Variants in ENOX1 observed in about 807,000 individuals in gnomAD.
The protein encoded by ENOX1 is candidate growth-related and time keeping constitutive hydroquinone (NADH) oxidase.
In ENOX1, 42 loss-of-function variants were observed where a neutral mutation model predicts 82.5. That is an observed-to-expected ratio of 0.51 (90% CI 0.40 to 0.66). The LOEUF is 0.66. Ranked by LOEUF, ENOX1 falls within the 30% of genes least tolerant of loss-of-function variation. ENOX1 has a pLI of 0.00. For synonymous variants in ENOX1, 271 were observed against 282.2 expected (o/e 0.96, Z 0.40); for missense variants, 608 against 811.6 (o/e 0.75, Z 3.05).
At chr13:43,564,191 T>A (rs1032548949) in intron 2 of ENOX1, among the ~76,000 whole-genome samples, 2 of 152,054 alleles carry the variant, frequency 1.3e-5, no homozygotes, top group African/African-American at 4.8e-5. Context: ...TTAATGAAAT[T>A]GAAGAGGTCT....
Position 43,338,730 on chromosome 13 carries a change from G to A in ENOX1, c.1036+5808C>T, listed in dbSNP as rs1477439061. ...AGATGGAGTCTCGCTCTGTCACCCA[G>A]GCTGGAGTGCAGTGGCGCCATCTCG... On this transcript the variant is annotated intron_variant, in intron 9 of 16. Transcript: ENST00000690772. 1.5e-4 allele frequency among the ~76,000 whole-genome samples: 19 copies of A among 128,360 alleles called. 1 individual carries two copies. In the Admixed American group the frequency reaches 1.8e-3, roughly 12 times the overall value. The allele number at this position is 128,360 out of a possible 152,430, so 84.2% of individuals were successfully genotyped here. A position where few individuals can be genotyped will look rare whatever the true frequency, so the allele number is the denominator to read the frequency against.
In ENOX1 at chr13:43,434,937, G is replaced by GTTTGTT. The variant is rs1555273075; in HGVS notation, c.-74-21950_-74-21949insAACAAA. On this transcript the variant is annotated intron_variant, in intron 3 of 16. Coordinates refer to ENST00000690772, the MANE Select transcript of ENOX1 (RefSeq NM_001347969.2). Reference sequence around the variant, plus strand: ...CGTGTCTTATTATTGTGTGTGTGTGGTTTTTTTTTTTTTTTTTTTTTTTTT... The same window carrying GTTTGTT: ...CGTGTCTTATTATTGTGTGTGTGTGGTTTGTTTTTTTTTTTTTTTTTTTTTTTTTTT... Among the ~76,000 whole-genome samples, 10 of 75,896 alleles carry GTTTGTT rather than the reference G, an allele frequency of 1.3e-4. 1 individual carries two copies. The highest frequency in any genetic ancestry group is 1.5e-4 in the Non-Finnish European group (6 of 40,668). The allele number at this position is 75,896 out of a possible 152,430, so 49.8% of individuals were successfully genotyped here. A position where few individuals can be genotyped will look rare whatever the true frequency, so the allele number is the denominator to read the frequency against.
At chr13:43,301,713 G>A (rs2046589036) in intron 11 of ENOX1, among the ~76,000 whole-genome samples, 1 of 151,956 alleles carries the variant, frequency 6.6e-6, no homozygotes, top group South Asian at 2.1e-4. Context: ...CGTTACTCAT[G>A]TGGCAGCAAG....
chr13:43,697,230 T>C (rs2086685330), intron 1 of ENOX1, among the ~76,000 whole-genome samples: 1 of 152,198 alleles, frequency 6.6e-6, no homozygotes, highest in South Asian at 2.1e-4. Context: ...TAGGGTCCAT[T>C]AAGCAAATAA....
chr13:43,271,615 G>A (rs569184414), intron 12 of ENOX1, among the ~76,000 whole-genome samples: 1 of 152,048 alleles, frequency 6.6e-6, no homozygotes, highest in East Asian at 1.9e-4. Flanking sequence ...AGGGAGAAGT[G>A]CATTGGAGTC....
At chr13:43,478,049 G>A (rs1472140491) in intron 3 of ENOX1, among the ~76,000 whole-genome samples, 1 of 139,524 alleles carries the variant, frequency 7.2e-6, no homozygotes, top group Non-Finnish European at 1.5e-5. Context: ...CAAGGAGCCA[G>A]AGAGGTTTTT....
At chr13:43,408,209 C>T (rs2053913734) in intron 5 of ENOX1, among the ~76,000 whole-genome samples, 1 of 152,120 alleles carries the variant, frequency 6.6e-6, no homozygotes, top group South Asian at 2.1e-4. Flanking sequence ...TGTGCTACCA[C>T]AGTAATGAGG....
chr13:43,693,130 T>G (rs2086456234), intron 1 of ENOX1, among the ~76,000 whole-genome samples: 1 of 152,152 alleles, frequency 6.6e-6, no homozygotes, highest in Non-Finnish European at 1.5e-5. Context: ...GAAGGATATT[T>G]CTCAAAATGT....
chr13:43,326,040 C>T (rs1055467527), intron 10 of ENOX1, among the ~76,000 whole-genome samples: 1 of 151,816 alleles, frequency 6.6e-6, no homozygotes, highest in African/African-American at 2.4e-5. Flanking sequence ...GTCCAAAGAG[C>T]AAACTGTCAT....
At chr13:43,285,058 T>C (rs1209562149) in intron 12 of ENOX1, among the ~76,000 whole-genome samples, 3 of 152,174 alleles carry the variant, frequency 2.0e-5, no homozygotes, top group Non-Finnish European at 4.4e-5. Flanking sequence ...ACTGATCAAT[T>C]GAGTGAGATG....
intron 2 of ENOX1, among the ~76,000 whole-genome samples, chr13:43,525,223 T>A (rs542280451): frequency 1.7e-4 from 26 of 152,258 alleles, no homozygotes; most frequent in African/African-American, 5.8e-4. Context: ...TCTCTTCATC[T>A]TGCAAAATGG....
At chr13:43,311,089 T>G (rs2047174489) in intron 11 of ENOX1, among the ~76,000 whole-genome samples, 1 of 152,000 alleles carries the variant, frequency 6.6e-6, no homozygotes, top group Non-Finnish European at 1.5e-5. Flanking sequence ...CTTTGGGGAC[T>G]ACTGGGTGTG....
chr13:43,341,093 C>T (rs1480043556), intron 9 of ENOX1, among the ~76,000 whole-genome samples: 3 of 152,006 alleles, frequency 2.0e-5, no homozygotes, highest in Middle Eastern at 3.2e-3. Flanking sequence ...GTCAGGAGAT[C>T]GAGACCATCC....
chr13:43,695,914 A>G (rs534874896), intron 1 of ENOX1, among the ~76,000 whole-genome samples: 1 of 152,284 alleles, frequency 6.6e-6, no homozygotes, highest in South Asian at 2.1e-4. Flanking sequence ...ATCATCCTCA[A>G]AAGAAACCCC....
intron 2 of ENOX1, among the ~76,000 whole-genome samples, chr13:43,573,324 G>C (rs1318261): frequency 0.41 from 62,382 of 151,962 alleles, 13,268 homozygotes; most frequent in East Asian, 0.77. Context: ...AGAAGGCACT[G>C]AAAAATTAGA....
At chr13:43,319,441 A>G (rs2047688173) in intron 11 of ENOX1, among the ~76,000 whole-genome samples, 1 of 152,222 alleles carries the variant, frequency 6.6e-6, no homozygotes, top group Non-Finnish European at 1.5e-5. Context: ...AAAAGCAGAG[A>G]TATATTGAAA....
At chr13:43,506,312 C>T (rs976255135) in intron 2 of ENOX1, among the ~76,000 whole-genome samples, 80 of 151,658 alleles carry the variant, frequency 5.3e-4, no homozygotes, top group Middle Eastern at 3.4e-3. Context: ...GTTAGAATGG[C>T]GATCATTAAA....
chr13:43,634,700 T>C (rs190754331), intron 2 of ENOX1, among the ~76,000 whole-genome samples: 3 of 152,348 alleles, frequency 2.0e-5, no homozygotes, highest in Non-Finnish European at 4.4e-5. Context: ...CAGTCTTATT[T>C]TCTACCAATA....
intron 1 of ENOX1, among the ~76,000 whole-genome samples, chr13:43,744,061 G>A (rs190741780): frequency 2.4e-4 from 37 of 152,260 alleles, no homozygotes; most frequent in African/African-American, 6.0e-4. Context: ...AAACTGTTGC[G>A]TTGGTGATGG....
Sources: allele counts gnomAD v4.1 joint callset (sites outside exome capture counted in the v4.1 genomes callset), GRCh38; gene constraint gnomAD v4.1.1; transcripts MANE v1.5; gene names NCBI Gene and HGNC (gene_info 2026-07-23, HGNC 2026-07-21).